Variants in DTD1 observed in about 807,000 individuals in gnomAD.
The protein encoded by DTD1 is D-aminoacyl-tRNA deacylase 1, also known as D-tyrosyl-tRNA deacylase 1 homolog.
DTD1 carries 13 observed loss-of-function variants against 25.6 expected under a neutral mutation model. That is an observed-to-expected ratio of 0.51 (90% confidence interval 0.33 to 0.81). The LOEUF (loss-of-function observed/expected upper bound fraction) is 0.81. Ranked by LOEUF, DTD1 falls within the 30% of genes least tolerant of loss-of-function variation. The probability of loss-of-function intolerance (pLI) is 0.02; values close to 1 mark genes in which losing one functional copy is unlikely to be tolerated. For synonymous variants in DTD1, 110 were observed against 103.6 expected (o/e 1.06, Z -0.37); for missense variants, 193 against 266.4 (o/e 0.72, Z 1.92).
At chr20:18,668,013 C>T (rs1452700219) in intron 4 of DTD1, among the ~76,000 whole-genome samples, 2 of 152,202 alleles carry the variant, frequency 1.3e-5, no homozygotes, top group African/African-American at 4.8e-5. Flanking sequence ...ATGGCTGATA[C>T]ATTTAGACAG....
intron 4 of DTD1, among the ~76,000 whole-genome samples, chr20:18,712,799 C>G (rs1284854309): frequency 1.3e-5 from 2 of 152,210 alleles, no homozygotes; most frequent in Non-Finnish European, 2.9e-5. Context: ...CACGCAGAAC[C>G]CATTTTACCA....
intron 4 of DTD1, among the ~76,000 whole-genome samples, chr20:18,691,392 A>G (rs918666412): frequency 1.3e-5 from 2 of 152,268 alleles, no homozygotes; most frequent in Non-Finnish European, 2.9e-5. Context: ...TGGACACATA[A>G]AGAAAATATG....
intron 4 of DTD1, among the ~76,000 whole-genome samples, chr20:18,680,933 C>T (rs540123319): frequency 2.6e-5 from 4 of 152,232 alleles, no homozygotes; most frequent in South Asian, 4.2e-4. Context: ...GCTGTTACTG[C>T]GTCCCCAGGA....
At chr20:18,740,275 T>G (rs1229362855) in intron 4 of DTD1, among the ~76,000 whole-genome samples, 1 of 152,110 alleles carries the variant, frequency 6.6e-6, no homozygotes, top group Non-Finnish European at 1.5e-5. Context: ...GGAGGAGGTT[T>G]ATTTAATTTT....
intron 1 of DTD1, among the ~76,000 whole-genome samples, chr20:18,589,608 C>T (rs1373101835): frequency 2.0e-5 from 3 of 152,082 alleles, no homozygotes; most frequent in Non-Finnish European, 4.4e-5. Flanking sequence ...TATTTAAATT[C>T]ATGAAAACTG....
At chr20:18,621,755 A>T (rs916952223) in intron 3 of DTD1, among the ~76,000 whole-genome samples, 10 of 152,074 alleles carry the variant, frequency 6.6e-5, no homozygotes, top group African/African-American at 2.2e-4. Context: ...CTTGGCTAAT[A>T]TATTTACTTT....
Position 18,714,003 on chromosome 20 carries a change from C to T in DTD1, c.478-30097C>T, listed in dbSNP as rs371660710. On this transcript the variant is annotated intron_variant, in intron 4 of 5. Transcript: ENST00000377452. ...GCCCTGACCTCCAGCCTGCACTCCA[C>T]CGTCTCCTGGAGATGTGACCTGGAA... Among the ~76,000 whole-genome samples the T allele has an allele frequency of 3.7e-4, 56 of 152,296 alleles. No homozygotes were observed. In the South Asian group the frequency reaches 0.01, roughly 28 times the overall value.
In DTD1 at chr20:18,765,023, C is replaced by T. The variant is rs536321714; in HGVS notation, c.*1683C>T. On this transcript the variant is annotated 3_prime_UTR_variant, in exon 6 of 6. Coordinates refer to ENST00000377452, the MANE Select transcript of DTD1 (RefSeq NM_080820.6). ...GGGTAACGAGGATTGCATAGAGATACGACCTAAGGATCATGACATTTGGAT... is the reference window on the plus strand; with the variant it reads ...GGGTAACGAGGATTGCATAGAGATATGACCTAAGGATCATGACATTTGGAT... 2 of 152,296 alleles carry T rather than the reference C, an allele frequency of 1.3e-5. No homozygotes were observed. Among genetic ancestry groups the T allele is most frequent in the South Asian group, 2.1e-4 (1 of 4,824 alleles). 9.4% of individuals were successfully genotyped at this position (152,296 alleles called of 1,614,324 possible).
chr20:18,632,321 CCAGT>C, intron 4 of DTD1: 2 of 985,456 alleles, frequency 2.0e-6, no homozygotes, highest in Non-Finnish European at 2.4e-6. Flanking sequence ...TTTACATGGA[CCAGT>C]TTCCTGGCCC....
intron 4 of DTD1, among the ~76,000 whole-genome samples, chr20:18,676,996 C>T (rs922709664): frequency 1.3e-5 from 2 of 152,162 alleles, no homozygotes; most frequent in African/African-American, 4.8e-5. Context: ...GCCTCCCACC[C>T]CCTAAAAAGA....
chr20:18,700,230 A>C (rs2061098288), intron 4 of DTD1, among the ~76,000 whole-genome samples: 1 of 152,232 alleles, frequency 6.6e-6, no homozygotes, highest in Non-Finnish European at 1.5e-5. Context: ...TCACTTGGTC[A>C]AGATGGTATC....
At chr20:18,747,415 G>A (rs943108117) in intron 5 of DTD1, among the ~76,000 whole-genome samples, 6 of 152,110 alleles carry the variant, frequency 3.9e-5, no homozygotes, top group East Asian at 1.9e-4. Context: ...TTCCCTCCCC[G>A]CCATGTTTCT....
chr20:18,760,583 C>A lies in DTD1; in HGVS notation c.*20-2777C>A, dbSNP rs559882265. Among the ~76,000 whole-genome samples, 3 of 152,262 alleles carry A rather than the reference C, an allele frequency of 2.0e-5. No individual in the cohort carries two copies. In the East Asian group the frequency reaches 5.8e-4, roughly 29 times the overall value. On this transcript the variant is annotated intron_variant, in intron 5 of 5. Transcript: ENST00000377452. The stretch of plus-strand genomic sequence containing the variant: ...TGAACAGCAAATGTTGCTGCCTGAT[C>A]GTTCCTCTGGAAGTTTTGTCTCAGA...
intron 4 of DTD1, among the ~76,000 whole-genome samples, chr20:18,660,029 G>A (rs534808830): frequency 6.6e-6 from 1 of 152,032 alleles, no homozygotes; most frequent in Non-Finnish European, 1.5e-5. Context: ...GGTCAGAAGA[G>A]GAGTTTGAGA....
intron 4 of DTD1, among the ~76,000 whole-genome samples, chr20:18,646,152 C>T (rs1030979510): frequency 2.6e-5 from 4 of 152,216 alleles, no homozygotes; most frequent in Non-Finnish European, 4.4e-5. Context: ...AGGCATGGCA[C>T]ACCTTCACTA....
chr20:18,705,790 T>A (rs2061124258), intron 4 of DTD1, among the ~76,000 whole-genome samples: 1 of 152,190 alleles, frequency 6.6e-6, no homozygotes, highest in Non-Finnish European at 1.5e-5. Flanking sequence ...ATTGTTGGAA[T>A]CTTGAATATG....
intron 4 of DTD1, among the ~76,000 whole-genome samples, chr20:18,652,585 G>T (rs1037029250): frequency 1.3e-5 from 2 of 152,192 alleles, no homozygotes; most frequent in African/African-American, 4.8e-5. Context: ...TGAGCAGTGG[G>T]TCTCTACCTG....
At chr20:18,622,807 T>C (rs2060740080) in intron 3 of DTD1, among the ~76,000 whole-genome samples, 1 of 152,160 alleles carries the variant, frequency 6.6e-6, no homozygotes, top group Non-Finnish European at 1.5e-5. Context: ...TTGTTAGTGA[T>C]CTCTTTGGGC....
chr20:18,706,105 C>T (rs1219965989), intron 4 of DTD1, among the ~76,000 whole-genome samples: 1 of 152,150 alleles, frequency 6.6e-6, no homozygotes, highest in Non-Finnish European at 1.5e-5. Flanking sequence ...GCCAAAGATT[C>T]AGCAGTTGTT....
Sources: allele counts gnomAD v4.1 joint callset (sites outside exome capture counted in the v4.1 genomes callset), GRCh38; gene constraint gnomAD v4.1.1; transcripts MANE v1.5; gene names NCBI Gene and HGNC (gene_info 2026-07-23, HGNC 2026-07-21).